Variants in FILIP1 observed in about 807,000 individuals in gnomAD.
FILIP1 encodes the protein filamin A interacting protein 1, also known as filamin-A-interacting protein 1.
In FILIP1, 61 loss-of-function variants were observed where a neutral mutation model predicts 102.1. That is an observed-to-expected ratio of 0.60 (90% CI 0.49 to 0.74). The LOEUF is 0.74. Ranked by LOEUF, FILIP1 falls within the 30% of genes least tolerant of loss-of-function variation. The pLI is 0.00. For synonymous variants in FILIP1, 491 were observed against 526.9 expected (o/e 0.93, Z 0.93); for missense variants, 1,314 against 1,441.2 (o/e 0.91, Z 1.43).
chr6:75,360,647 G>T (rs1193865981), intron 3 of FILIP1: 1 of 152,202 alleles, frequency 6.6e-6, no homozygotes, highest in East Asian at 1.9e-4. Flanking sequence ...TTTAATATTT[G>T]CTGTTTAATT....
Position 75,445,814 on chromosome 6 carries a change from T to G in FILIP1, c.-6-30836A>C, listed in dbSNP as rs913333586. ...ATATATATTTTTGCACCTCTTTTTT[T>G]GAACACATTTTTCCTTCTTCATTTA... On this transcript the variant is annotated intron_variant, in intron 1 of 5. Transcript: ENST00000237172. Among the ~76,000 whole-genome samples, 33 of 152,172 alleles carry G rather than the reference T, an allele frequency of 2.2e-4. 2 individuals carry two copies. The highest frequency in any genetic ancestry group is 2.9e-5 in the Non-Finnish European group (2 of 68,004).
rs1177709854 is a variant in FILIP1, at chr6:75,365,568, G to A, written c.277-2651C>T. The stretch of plus-strand genomic sequence containing the variant: ...CGCCTGGCTAATTTTTGTATTTTTA[G>A]TAGAGACAGGGTTTCGCCATGTTGG... On this transcript the variant is annotated intron_variant, in intron 2 of 5. Transcript: ENST00000237172. 2.0e-5 allele frequency among the ~76,000 whole-genome samples: 3 copies of A among 152,150 alleles called. No individual in the cohort carries two copies. The East Asian group carries it at 5.8e-4, about 29-fold the overall frequency.
At chr6:75,315,411 G>C (rs74842817) in intron 4 of FILIP1, among the ~76,000 whole-genome samples, 2,223 of 152,228 alleles carry the variant, frequency 0.015, 42 homozygotes, top group African/African-American at 0.05. Context: ...GGCATGAGGA[G>C]GGCTTTGAGT....
At chr6:75,317,304 T>G (rs1773477037) in intron 4 of FILIP1, among the ~76,000 whole-genome samples, 1 of 152,204 alleles carries the variant, frequency 6.6e-6, no homozygotes. Context: ...AGAAGCAGGA[T>G]ATAAATAAAT....
intron 4 of FILIP1, among the ~76,000 whole-genome samples, chr6:75,352,323 G>A (rs1774835893): frequency 6.6e-6 from 1 of 152,084 alleles, no homozygotes; most frequent in African/African-American, 2.4e-5. Flanking sequence ...GTAACTCAAA[G>A]CATGGGGATT....
At chr6:75,449,895 C>A (rs755582700) in intron 1 of FILIP1, among the ~76,000 whole-genome samples, 23 of 152,076 alleles carry the variant, frequency 1.5e-4, no homozygotes, top group Non-Finnish European at 2.6e-4. Context: ...ATACACATAA[C>A]TCTGAATACT....
At chr6:75,334,441 C>A (rs1774175414) in intron 4 of FILIP1, among the ~76,000 whole-genome samples, 1 of 152,176 alleles carries the variant, frequency 6.6e-6, no homozygotes. Context: ...CCTGTAGCTG[C>A]AAACTGAAAG....
chr6:75,368,299 T>A (rs1010435345), intron 2 of FILIP1, among the ~76,000 whole-genome samples: 1 of 152,146 alleles, frequency 6.6e-6, no homozygotes, highest in African/African-American at 2.4e-5. Context: ...GGCCCACAGG[T>A]GAGTGTGCGA....
chr6:75,359,312 C>A (rs971921703), intron 3 of FILIP1, among the ~76,000 whole-genome samples: 2 of 152,078 alleles, frequency 1.3e-5, no homozygotes, highest in Non-Finnish European at 2.9e-5. Context: ...AGTGATATTG[C>A]CAATATCACT....
At chr6:75,492,350 G>T (rs1303791819) in intron 1 of FILIP1, among the ~76,000 whole-genome samples, 1 of 152,016 alleles carries the variant, frequency 6.6e-6, no homozygotes, top group African/African-American at 2.4e-5. Context: ...TCTTTACATT[G>T]ATAGAATAGA....
rs547451461 is a variant in FILIP1 at position 75,295,854 on chromosome 6, A to T, written c.*56T>A. 4.3e-5 allele frequency: 52 copies of T among 1,223,426 alleles called. No individual in the cohort carries two copies. The African/African-American group carries it at 7.2e-4, about 17-fold the overall frequency. 75.8% of individuals were successfully genotyped at this position (1,223,426 alleles called of 1,614,324 possible). ...CCTTAGTCATGATTGAGGGCTGTCC[A>T]TTCAATAGGGATTCAGAGGTCGTAC... On this transcript the variant is annotated 3_prime_UTR_variant, in exon 7 of 7. Coordinates refer to the FILIP1 transcript ENST00000393004.
chr6:75,322,126 C>T (rs1433740774), intron 4 of FILIP1, among the ~76,000 whole-genome samples: 1 of 152,112 alleles, frequency 6.6e-6, no homozygotes, highest in East Asian at 1.9e-4. Flanking sequence ...TTTAGAAATC[C>T]TCATTTTACA....
chr6:75,487,445 T>G (rs544153351), intron 1 of FILIP1, among the ~76,000 whole-genome samples: 11 of 152,248 alleles, frequency 7.2e-5, no homozygotes, highest in African/African-American at 2.4e-4. Context: ...CTTGGTACCA[T>G]GGTCAAAGAG....
At chr6:75,418,348 G>T (rs1777340410) in intron 1 of FILIP1, among the ~76,000 whole-genome samples, 1 of 152,186 alleles carries the variant, frequency 6.6e-6, no homozygotes, top group Non-Finnish European at 1.5e-5. Context: ...TATGTTTTCT[G>T]AAATAATTAA....
At position 75,312,514 on chromosome 6, in the gene FILIP1, G is replaced by A. The variant is rs371411192; in HGVS notation, c.3318C>T (p.Gly1106=). The A allele has an allele frequency of 1.7e-5, 28 of 1,614,070 alleles. No individual in the cohort carries two copies. The highest frequency in any genetic ancestry group is 2.1e-5 in the Non-Finnish European group (25 of 1,180,042). The change falls in exon 5 of 6, where the codon GGC becomes GGT. Residue 1106 remains glycine (G), a synonymous_variant. Coordinates refer to ENST00000237172, the MANE Select transcript of FILIP1 (RefSeq NM_015687.5). ...GATTCCTGGGAGAGCGAAGGACAGTGCCGGTGGAAACCTCCTTTTCGGCTG... is the reference window on the plus strand; with the variant it reads ...GATTCCTGGGAGAGCGAAGGACAGTACCGGTGGAAACCTCCTTTTCGGCTG... ...NVTAEKEVST[G]TVLRSPRNHL... is the part of the protein sequence containing the mutation.
intron 1 of FILIP1, among the ~76,000 whole-genome samples, chr6:75,463,045 T>G (rs1350646737): frequency 6.6e-6 from 1 of 152,168 alleles, no homozygotes; most frequent in African/African-American, 2.4e-5. Flanking sequence ...GCACAATATA[T>G]GCAAGAAATG....
intron 2 of FILIP1, among the ~76,000 whole-genome samples, chr6:75,410,211 G>T (rs1777013909): frequency 6.6e-6 from 1 of 152,074 alleles, no homozygotes; most frequent in African/African-American, 2.4e-5. Flanking sequence ...TTGGAGATCT[G>T]GGAGACAACT....
chr6:75,356,758 C>T (rs1775017022), intron 3 of FILIP1, among the ~76,000 whole-genome samples: 2 of 152,056 alleles, frequency 1.3e-5, no homozygotes, highest in East Asian at 1.9e-4. Context: ...CATGAGCCAC[C>T]GCGGCTGGTC....
chr6:75,431,863 C>A (rs2951931), intron 1 of FILIP1, among the ~76,000 whole-genome samples: 8 of 152,104 alleles, frequency 5.3e-5, no homozygotes, highest in African/African-American at 1.9e-4. Context: ...AAATCAAAAC[C>A]TCAAAAGATA....
Sources: allele counts gnomAD v4.1 joint callset (sites outside exome capture counted in the v4.1 genomes callset), GRCh38; gene constraint gnomAD v4.1.1; transcripts MANE v1.5; gene names NCBI Gene and HGNC (gene_info 2026-07-23, HGNC 2026-07-21).